The following SYBU variants were observed in gnomAD, a reference collection of about 807,000 sequenced individuals.
SYBU encodes the protein GOLSYN A protein.
In SYBU, 21 loss-of-function variants were observed where a neutral mutation model predicts 35.9. The ratio of observed to expected loss-of-function variants is 0.58; its 90% CI spans 0.41 to 0.84. SYBU has a LOEUF of 0.84. Among genes scored for constraint, SYBU ranks in the 40% least tolerant of loss-of-function variants. SYBU has a pLI of 0.00. For missense variants in SYBU, 768 were observed against 848.2 expected (o/e 0.91, Z 1.17); for synonymous variants, 319 against 324.3 (o/e 0.98, Z 0.18).
chr8:109,639,132 G>A (rs979146081), intron 2 of SYBU, among the ~76,000 whole-genome samples: 2 of 152,060 alleles, frequency 1.3e-5, no homozygotes, highest in African/African-American at 4.8e-5. Flanking sequence ...TTCACAGGCC[G>A]GTAAAATTAT....
At chr8:109,609,062 G>A (rs753381562) in intron 3 of SYBU, among the ~76,000 whole-genome samples, 9 of 152,180 alleles carry the variant, frequency 5.9e-5, no homozygotes, top group East Asian at 1.9e-4. Flanking sequence ...AAACTCCCCC[G>A]ACCCGTGCTG....
At chr8:109,616,002 C>T (rs149412180) in intron 3 of SYBU, among the ~76,000 whole-genome samples, 9,879 of 96,032 alleles carry the variant, frequency 0.1, 1,207 homozygotes, top group African/African-American at 0.2. Context: ...CTTTTCTTTT[C>T]TTTCTTTTTT....
At chr8:109,594,483 C>T (rs1824637265) in intron 3 of SYBU, among the ~76,000 whole-genome samples, 1 of 152,060 alleles carries the variant, frequency 6.6e-6, no homozygotes, top group African/African-American at 2.4e-5. Flanking sequence ...GCCAAGACAT[C>T]CAATGGGGCC....
chr8:109,624,006 C>T (rs2130434782), intron 2 of SYBU, among the ~76,000 whole-genome samples: 1 of 152,204 alleles, frequency 6.6e-6, no homozygotes, highest in Non-Finnish European at 1.5e-5. Flanking sequence ...CATTATCTGT[C>T]ATTGAAAATT....
rs1822547513 is a variant in SYBU, at chr8:109,577,975, G to C, written c.777C>G (p.Val259=). ...RYMSCGENHG[V]RPPNPEQYLT... ...AATACTGCTCTGGGTTTGGGGGTCTGACACCATGATTTTCACCGCAAGACA... is the reference window on the plus strand; with the variant it reads ...AATACTGCTCTGGGTTTGGGGGTCTCACACCATGATTTTCACCGCAAGACA... Residue 259 remains valine, a synonymous_variant, in exon 6 of 7, where the codon GTC becomes GTG. Transcript: ENST00000276646. The C allele has an allele frequency of 1.9e-6, 3 of 1,613,896 alleles. No individual in the cohort carries two copies. The highest frequency in any genetic ancestry group is 1.7e-6 in the Non-Finnish European group (2 of 1,179,914).
chr8:109,669,403 T>G (rs945844475), intron 1 of SYBU, among the ~76,000 whole-genome samples: 3 of 149,474 alleles, frequency 2.0e-5, no homozygotes, highest in Non-Finnish European at 3.0e-5. Context: ...ATTTGTTGTC[T>G]CTGTCACAAA....
At chr8:109,654,241 C>A (rs1816268300) in intron 1 of SYBU, among the ~76,000 whole-genome samples, 1 of 152,168 alleles carries the variant, frequency 6.6e-6, no homozygotes, top group Non-Finnish European at 1.5e-5. Flanking sequence ...ATGTCTCACA[C>A]TTCCCTGCTC....
At chr8:109,617,676 T>C (rs969594078) in intron 3 of SYBU, among the ~76,000 whole-genome samples, 2 of 152,234 alleles carry the variant, frequency 1.3e-5, no homozygotes, top group African/African-American at 4.8e-5. Flanking sequence ...CTGTCTTTCC[T>C]TCTTCATTGT....
chr8:109,620,944 C>T (rs1271242907), intron 2 of SYBU, among the ~76,000 whole-genome samples: 1 of 152,132 alleles, frequency 6.6e-6, no homozygotes, highest in African/African-American at 2.4e-5. Flanking sequence ...CTCAAGAGAG[C>T]CTCTCTTAAT....
At chr8:109,646,824 G>A (rs1472707702), upstream of SYBU, 3 of 152,152 alleles carry the variant, frequency 2.0e-5, no homozygotes, top group Non-Finnish European at 4.4e-5. Flanking sequence ...CCCACACATA[G>A]CATAAACCAC....
At chr8:109,607,864 CTG>C in intron 3 of SYBU, 1 of 791,884 alleles carries the variant, frequency 1.3e-6, no homozygotes, top group Non-Finnish European at 2.0e-6. Context: ...AGTCTAGCCT[CTG>C]TGATCCAATA....
intron 1 of SYBU, among the ~76,000 whole-genome samples, chr8:109,651,448 CTTTTTTTTTTTTTTT>C (rs535652540): frequency 0.035 from 2,254 of 64,624 alleles, 94 homozygotes; most frequent in African/African-American, 0.11. Flanking sequence ...GAAATTGAGA[CTTTTTTTTTTTTTTT>C]TTTTTTTTTT....
intron 1 of SYBU, among the ~76,000 whole-genome samples, chr8:109,672,883 A>AT (rs1400954693): frequency 6.6e-6 from 1 of 152,098 alleles, no homozygotes; most frequent in Non-Finnish European, 1.5e-5. Context: ...TGAGTAGGTG[A>AT]TTTTCCCCAC....
chr8:109,691,104 A>T lies in SYBU; in HGVS notation c.-58+229T>A, dbSNP rs13266567. Among the ~76,000 whole-genome samples, 13,459 of 152,208 alleles carry T rather than the reference A, an allele frequency of 0.088. 673 individuals carry two copies. Among genetic ancestry groups the T allele is most frequent in the East Asian group, 0.12 (605 of 5,166 alleles). On this transcript the variant is annotated intron_variant, in intron 1 of 7. Transcript: ENST00000422135. This position sits in a 1 kb window ranked among gnomAD's most constrained non-coding sequence, Gnocchi z 4.7. ...CAACAACCAATCAAACCAATCAAAC[A>T]GGAGGGCCTTTCCCTTGGCCTCCAT...
intron 2 of SYBU, among the ~76,000 whole-genome samples, chr8:109,638,133 C>T (rs1586907485): frequency 6.6e-6 from 1 of 152,310 alleles, no homozygotes; most frequent in Non-Finnish European, 1.5e-5. Flanking sequence ...ATTTGTTCCA[C>T]CTGCCATGTT....
chr8:109,581,262 G>A (rs1016555137), intron 4 of SYBU, among the ~76,000 whole-genome samples: 2 of 152,192 alleles, frequency 1.3e-5, no homozygotes, highest in Non-Finnish European at 2.9e-5. Context: ...AATAAACCAG[G>A]TGTGAGTCAT....
At position 109,575,146 on chromosome 8, in the gene SYBU, T is replaced by A; in HGVS notation, c.1752A>T (p.Glu584Asp). The A allele has an allele frequency of 6.2e-7, 1 of 1,614,200 alleles. No individual in the cohort carries two copies. Residue 584 changes from glutamate to aspartate, a missense_variant, in exon 7 of 7, where the codon GAA (glutamate) becomes GAT (aspartate). Coordinates refer to ENST00000276646, the MANE Select transcript of SYBU (RefSeq NM_001099754.2). ...MRELDFAACVEERLDGVIPLA... is the reference protein window; with the variant it reads ...MRELDFAACVDERLDGVIPLA... The stretch of plus-strand genomic sequence containing the variant: ...GTGGGATGACACCATCCAACCTCTC[T>A]TCCACGCAGGCTGCAAAATCCAGCT...
intron 3 of SYBU, among the ~76,000 whole-genome samples, chr8:109,602,206 C>G (rs1471999582): frequency 6.6e-6 from 1 of 152,032 alleles, no homozygotes; most frequent in Non-Finnish European, 1.5e-5. Flanking sequence ...TAAAAAACAC[C>G]TTTATCTTAT....
At chr8:109,601,168 GC>G (rs1825475418) in intron 3 of SYBU, among the ~76,000 whole-genome samples, 1 of 152,152 alleles carries the variant, frequency 6.6e-6, no homozygotes, top group South Asian at 2.1e-4. Context: ...AGCCTACTCT[GC>G]CAAGAACTCT....
Sources: allele counts gnomAD v4.1 joint callset (sites outside exome capture counted in the v4.1 genomes callset), GRCh38; gene constraint gnomAD v4.1.1; non-coding constraint Gnocchi (gnomAD v3.1); transcripts MANE v1.5; gene names NCBI Gene and HGNC (gene_info 2026-07-23, HGNC 2026-07-21).